Variants in MBNL2 observed in about 807,000 individuals in gnomAD.
The protein encoded by MBNL2 is muscleblind-like protein 2.
MBNL2 carries 17 observed loss-of-function variants against 41.9 expected under a neutral mutation model. The observed-to-expected ratio is 0.41, with a 90% CI of 0.28 to 0.61. MBNL2 has a LOEUF of 0.61. Ranked by LOEUF, MBNL2 falls within the 20% of genes least tolerant of loss-of-function variation. The probability of loss-of-function intolerance (pLI) is 0.35; values close to 1 mark genes in which losing one functional copy is unlikely to be tolerated. For synonymous variants in MBNL2, 195 were observed against 182.9 expected (o/e 1.07, Z -0.53); for missense variants, 336 against 505.6 (o/e 0.66, Z 3.22).
At chr13:97,389,448 A>G (rs1455546128) in intron 8 of MBNL2, among the ~76,000 whole-genome samples, 3 of 152,196 alleles carry the variant, frequency 2.0e-5, no homozygotes, top group Non-Finnish European at 4.4e-5. Context: ...TCACGCCTAT[A>G]ATCCAGCACT....
At chr13:97,274,030 C>T (rs2051650991) in intron 1 of MBNL2, among the ~76,000 whole-genome samples, 1 of 151,326 alleles carries the variant, frequency 6.6e-6, no homozygotes, top group African/African-American at 2.4e-5. Context: ...CACTGCACTC[C>T]AGCCTGGGCA....
chr13:97,343,963 C>T (rs1378606768), intron 4 of MBNL2, among the ~76,000 whole-genome samples: 6 of 152,228 alleles, frequency 3.9e-5, no homozygotes, highest in South Asian at 2.1e-4. Flanking sequence ...TGCGCCACCA[C>T]GCCTGGCCAA....
chr13:97,289,213 T>C (rs973380993), intron 2 of MBNL2, among the ~76,000 whole-genome samples: 3 of 152,238 alleles, frequency 2.0e-5, no homozygotes, highest in Non-Finnish European at 2.9e-5. Flanking sequence ...TAAAAACTTA[T>C]GTGTTGAAAA....
chr13:97,186,535 TAAA>T, the MBNL2 span, among the ~76,000 whole-genome samples: 1 of 152,254 alleles, frequency 6.6e-6, no homozygotes, highest in East Asian at 1.9e-4. Flanking sequence ...TATCTTTTAA[TAAA>T]AGTTATACAT....
At chr13:97,189,140 A>G in the MBNL2 span, among the ~76,000 whole-genome samples, 1 of 151,980 alleles carries the variant, frequency 6.6e-6, no homozygotes, top group African/African-American at 2.4e-5. Context: ...GCGACCCCCT[A>G]ACCTCAGCCT....
the MBNL2 span, among the ~76,000 whole-genome samples, chr13:97,162,991 C>T: frequency 3.3e-5 from 5 of 152,118 alleles, no homozygotes; most frequent in Admixed American, 2.0e-4. Flanking sequence ...AAGGGATCAA[C>T]ACTGAGATGC....
chr13:97,336,561 A>G (rs2060902688), intron 3 of MBNL2, among the ~76,000 whole-genome samples: 1 of 152,192 alleles, frequency 6.6e-6, no homozygotes, highest in African/African-American at 2.4e-5. Flanking sequence ...CAGTGTGACC[A>G]CAGAGGCAGA....
At chr13:97,365,465 G>A (rs1394309606) in intron 8 of MBNL2, among the ~76,000 whole-genome samples, 1 of 152,146 alleles carries the variant, frequency 6.6e-6, no homozygotes, top group Non-Finnish European at 1.5e-5. Flanking sequence ...ATGGTATAGC[G>A]TAAGGAACAG....
chr13:97,258,777 T>C (rs2048039768), intron 1 of MBNL2, among the ~76,000 whole-genome samples: 1 of 152,214 alleles, frequency 6.6e-6, no homozygotes, highest in South Asian at 2.1e-4. Flanking sequence ...TGGATGGCTC[T>C]TTCTGGTAGA....
the MBNL2 span, among the ~76,000 whole-genome samples, chr13:97,199,927 C>G: frequency 6.6e-6 from 1 of 152,262 alleles, no homozygotes; most frequent in African/African-American, 2.4e-5. Flanking sequence ...GTGGGGAAAT[C>G]TCTGCAGGCT....
In MBNL2 at chr13:97,264,682, T is replaced by G. The variant is rs114816405; in HGVS notation, c.-604-10950T>G. On this transcript the variant is annotated intron_variant, in intron 1 of 8. Coordinates refer to ENST00000679496, the MANE Select transcript of MBNL2 (RefSeq NM_001382683.1). ...AATAAAAGTTGTGTTACAAACATTT[T>G]GTCAAAAAAGGGGTTATTAGTATTT... 2.2e-3 allele frequency among the ~76,000 whole-genome samples: 340 copies of G among 152,310 alleles called. 1 individual carries two copies. The highest frequency in any genetic ancestry group is 7.4e-3 in the African/African-American group (306 of 41,580).
chr13:97,181,607 C>G, the MBNL2 span, among the ~76,000 whole-genome samples: 1 of 152,148 alleles, frequency 6.6e-6, no homozygotes, highest in African/African-American at 2.4e-5. Context: ...TAATTTATGC[C>G]TAAAGCCTGT....
chr13:97,160,042 C>T, the MBNL2 span, among the ~76,000 whole-genome samples: 15,263 of 151,794 alleles, frequency 0.1, 859 homozygotes, highest in South Asian at 0.15. Flanking sequence ...ACCAATCAGA[C>T]GTAGATTTGG....
At chr13:97,226,976 A>G (rs951237707) in intron 1 of MBNL2, among the ~76,000 whole-genome samples, 2 of 151,906 alleles carry the variant, frequency 1.3e-5, no homozygotes, top group Non-Finnish European at 2.9e-5. Flanking sequence ...ATCTCTAGCA[A>G]GGAAACCTGT....
chr13:97,151,514 C>A, the MBNL2 span, among the ~76,000 whole-genome samples: 3 of 152,136 alleles, frequency 2.0e-5, no homozygotes, highest in Non-Finnish European at 4.4e-5. Flanking sequence ...GCAACTAGGG[C>A]TCTAATTTGT....
chr13:97,158,884 T>G, the MBNL2 span, among the ~76,000 whole-genome samples: 2 of 151,702 alleles, frequency 1.3e-5, no homozygotes, highest in East Asian at 1.9e-4. Flanking sequence ...TGATTTGGGG[T>G]GGAGAGTTCT....
chr13:97,337,217 C>T (rs2060963339), intron 3 of MBNL2, among the ~76,000 whole-genome samples: 1 of 152,170 alleles, frequency 6.6e-6, no homozygotes, highest in African/African-American at 2.4e-5. Flanking sequence ...TGTCTATGAA[C>T]CAGGGAGCTG....
the MBNL2 span, among the ~76,000 whole-genome samples, chr13:97,191,357 A>T: frequency 6.7e-6 from 1 of 149,554 alleles, no homozygotes; most frequent in African/African-American, 2.5e-5. Flanking sequence ...TAAGCACACT[A>T]GATGAACTCT....
chr13:97,188,800 C>T, the MBNL2 span, among the ~76,000 whole-genome samples: 1 of 152,186 alleles, frequency 6.6e-6, no homozygotes, highest in African/African-American at 2.4e-5. Context: ...CAATCTGTCT[C>T]CTCTCACTGT....
Sources: allele counts gnomAD v4.1 joint callset (sites outside exome capture counted in the v4.1 genomes callset), GRCh38; gene constraint gnomAD v4.1.1; transcripts MANE v1.5; gene names NCBI Gene and HGNC (gene_info 2026-07-23, HGNC 2026-07-21).